The following ADAMTS12 variants were observed in gnomAD, a reference collection of about 807,000 sequenced individuals.
The protein encoded by ADAMTS12 is ADAM metallopeptidase with thrombospondin type 1 motif 12.
In ADAMTS12, 118 loss-of-function variants were observed where a neutral mutation model predicts 167.8. The ratio of observed to expected loss-of-function variants is 0.70; its 90% CI spans 0.61 to 0.82. ADAMTS12 has a LOEUF of 0.82. Among genes scored for constraint, ADAMTS12 ranks in the 40% least tolerant of loss-of-function variants. ADAMTS12 has a pLI of 0.00. For synonymous variants in ADAMTS12, 704 were observed against 716.9 expected (o/e 0.98, Z 0.29); for missense variants, 1,916 against 1,998.8 (o/e 0.96, Z 0.79).
At chr5:33,757,867 T>C (rs1379135935) in intron 2 of ADAMTS12, among the ~76,000 whole-genome samples, 2 of 152,140 alleles carry the variant, frequency 1.3e-5, no homozygotes, top group African/African-American at 4.8e-5. Context: ...TGACATATGG[T>C]AGGTGCTCAA....
chr5:33,592,801 C>T (rs1270350422), intron 17 of ADAMTS12, among the ~76,000 whole-genome samples: 1 of 152,000 alleles, frequency 6.6e-6, no homozygotes, highest in African/African-American at 2.4e-5. Flanking sequence ...TAAGATTAAA[C>T]CTTGCACAGG....
rs79695282 is a variant in ADAMTS12, at chr5:33,613,948, T to C, written c.2527+290A>G. 2.6e-3 allele frequency among the ~76,000 whole-genome samples: 403 copies of C among 152,344 alleles called. 11 individuals carry two copies. The East Asian group carries it at 0.073, about 28-fold the overall frequency. ...AGGTTCTCAACCAGAGCATTGGTTGTTAATGCTTTTTGTTTGACACGTAAT... is the reference window on the plus strand; with the variant it reads ...AGGTTCTCAACCAGAGCATTGGTTGCTAATGCTTTTTGTTTGACACGTAAT... On this transcript the variant is annotated intron_variant, in intron 16 of 23. Transcript: ENST00000504830.
intron 2 of ADAMTS12, among the ~76,000 whole-genome samples, chr5:33,790,227 C>T (rs1746475883): frequency 6.6e-6 from 1 of 152,090 alleles, no homozygotes; most frequent in Non-Finnish European, 1.5e-5. Flanking sequence ...CTGCCATTGG[C>T]TAATTGCAGA....
At chr5:33,679,378 G>A (rs1038090672) in intron 5 of ADAMTS12, among the ~76,000 whole-genome samples, 1 of 152,094 alleles carries the variant, frequency 6.6e-6, no homozygotes, top group Admixed American at 6.5e-5. Flanking sequence ...AGCATGGCTT[G>A]GGAGGCCTCA....
At chr5:33,544,499 TG>T (rs563785176) in intron 22 of ADAMTS12, among the ~76,000 whole-genome samples, 2 of 152,098 alleles carry the variant, frequency 1.3e-5, no homozygotes, top group Non-Finnish European at 2.9e-5. Context: ...TTCACAGAAT[TG>T]GAAAAAACTA....
In ADAMTS12 at chr5:33,761,876, G is replaced by A. The variant is rs192268461; in HGVS notation, c.490-10328C>T. On this transcript the variant is annotated intron_variant, in intron 2 of 23. Coordinates refer to ENST00000504830, the MANE Select transcript of ADAMTS12 (RefSeq NM_030955.4). ...TAAAGTGGTGGTGGAGAGGAGCTGA[G>A]AAAGTCTGAAATAATCATGTTTAAG... Among the ~76,000 whole-genome samples, 64 of 152,326 alleles carry A rather than the reference G, an allele frequency of 4.2e-4. No individual in the cohort carries two copies. In the Middle Eastern group the frequency reaches 0.01, roughly 24 times the overall value.
At chr5:33,876,049 T>C (rs1294004430) in intron 2 of ADAMTS12, among the ~76,000 whole-genome samples, 1 of 152,162 alleles carries the variant, frequency 6.6e-6, no homozygotes. Flanking sequence ...ATTAAAAATA[T>C]AAGGACTTAG....
At chr5:33,636,115 TC>T (rs1288747434) in intron 12 of ADAMTS12, among the ~76,000 whole-genome samples, 1 of 152,120 alleles carries the variant, frequency 6.6e-6, no homozygotes, top group Non-Finnish European at 1.5e-5. Flanking sequence ...CAATGCTGAA[TC>T]AAATATTTTT....
At chr5:33,803,851 C>T (rs551892683) in intron 2 of ADAMTS12, among the ~76,000 whole-genome samples, 1 of 152,210 alleles carries the variant, frequency 6.6e-6, no homozygotes, top group South Asian at 2.1e-4. Context: ...AAACCTGCTC[C>T]CATGATTCAA....
chr5:33,684,118 G>A, intron 3 of ADAMTS12, 63 bp from the exon 4 acceptor site: 1 of 1,209,524 alleles, frequency 8.3e-7, no homozygotes, highest in South Asian at 3.2e-5. Context: ...ATCTACTTAT[G>A]TTAGTAAAGA....
rs2112210773 is a variant in ADAMTS12 at position 33,658,198 on chromosome 5, A to G, written c.1176T>C (p.His392=). 2 of 1,613,520 alleles carry G rather than the reference A, an allele frequency of 1.2e-6. No homozygotes were observed. Among genetic ancestry groups the G allele is most frequent in the East Asian group, 2.2e-5 (1 of 44,866 alleles). Residue 392 remains histidine, a synonymous_variant, in exon 7 of 24, where the codon CAT becomes CAC. Coordinates refer to ENST00000504830, the MANE Select transcript of ADAMTS12 (RefSeq NM_030955.4). ...TGGCCCTTTACCTGTGTCCTAGCTC[A>G]TGGGCAATTGTGAAAGCCAGAGGGA... ...SGLPLAFTIA[H]ELGHSFGIQH...
At chr5:33,839,788 T>TA (rs1748678395) in intron 2 of ADAMTS12, among the ~76,000 whole-genome samples, 1 of 152,212 alleles carries the variant, frequency 6.6e-6, no homozygotes, top group African/African-American at 2.4e-5. Context: ...ATACAAACAT[T>TA]AGCCCTGCTT....
chr5:33,743,551 G>A (rs1002794922), intron 3 of ADAMTS12, among the ~76,000 whole-genome samples: 2 of 152,104 alleles, frequency 1.3e-5, no homozygotes, highest in Admixed American at 1.3e-4. Flanking sequence ...AGCTCTCTCA[G>A]GCCTCCATCT....
intron 19 of ADAMTS12, among the ~76,000 whole-genome samples, chr5:33,566,318 T>A (rs1746012110): frequency 6.6e-6 from 1 of 152,070 alleles, no homozygotes; most frequent in South Asian, 2.1e-4. Flanking sequence ...ATAAAAAAAT[T>A]ATCTAGGTGC....
chr5:33,528,769 G>A (rs375974603), intron 23 of ADAMTS12, among the ~76,000 whole-genome samples: 7 of 152,160 alleles, frequency 4.6e-5, no homozygotes, highest in South Asian at 2.1e-4. Context: ...CTTCCGGGCC[G>A]GGCATGGTGG....
At chr5:33,813,897 T>A (rs1403750549) in intron 2 of ADAMTS12, among the ~76,000 whole-genome samples, 1 of 152,184 alleles carries the variant, frequency 6.6e-6, no homozygotes, top group Non-Finnish European at 1.5e-5. Flanking sequence ...AAAAATAACA[T>A]GGTTACTTTT....
Position 33,824,700 on chromosome 5 carries a change from C to T in ADAMTS12, c.489+56419G>A, listed in dbSNP as rs191918293. Among the ~76,000 whole-genome samples the T allele has an allele frequency of 6.6e-5, 10 of 152,262 alleles. No homozygotes were observed. In the East Asian group the frequency reaches 1.7e-3, roughly 26 times the overall value. The stretch of plus-strand genomic sequence containing the variant: ...GGAGTACAAGTGAGGAAGAAAGGCT[C>T]GTGACAGTGTTGCAGCAGAGACTGC... On this transcript the variant is annotated intron_variant, in intron 2 of 23. Transcript: ENST00000504830.
intron 3 of ADAMTS12, among the ~76,000 whole-genome samples, chr5:33,735,973 C>A (rs549246601): frequency 6.6e-6 from 1 of 151,650 alleles, no homozygotes; most frequent in African/African-American, 2.4e-5. Flanking sequence ...GTGTTGTTTT[C>A]TTTGAGAATA....
chr5:33,662,020 G>A lies in ADAMTS12; in HGVS notation c.936C>T (p.His312=), dbSNP rs1196694182. Residue 312 remains histidine (H), a synonymous_variant, in exon 6 of 24, where the codon CAC becomes CAT. Coordinates refer to ENST00000504830, the MANE Select transcript of ADAMTS12 (RefSeq NM_030955.4). ...AGCTAGACAGTGTCTTTTCTGCATG[G>A]TGAACTATTTTCAGTCCTTGCTGGA... The part of the protein sequence containing the change: ...EEEEQGLKIV[H]HAEKTLSSFC... 7 of 1,611,382 alleles carry A rather than the reference G, an allele frequency of 4.3e-6. No individual in the cohort carries two copies. In the South Asian group the frequency reaches 7.7e-5, roughly 18 times the overall value.
Sources: allele counts gnomAD v4.1 joint callset (sites outside exome capture counted in the v4.1 genomes callset), GRCh38; gene constraint gnomAD v4.1.1; transcripts MANE v1.5; gene names NCBI Gene and HGNC (gene_info 2026-07-23, HGNC 2026-07-21).